TRPM3: variants seen among roughly 807,000 people sequenced by gnomAD.
TRPM3 encodes the protein long transient receptor potential channel 3.
A neutral mutation model predicts 181.2 loss-of-function variants in TRPM3; 77 were observed. That is an observed-to-expected ratio of 0.42 (90% CI 0.35 to 0.51). The LOEUF is 0.51. Ranked by LOEUF, TRPM3 falls within the 20% of genes least tolerant of loss-of-function variation. The pLI, the probability that TRPM3 is intolerant of heterozygous loss-of-function variation, is 0.01. For synonymous variants in TRPM3, 745 were observed against 796.4 expected, an observed-to-expected ratio of 0.94 and a Z score of 1.09; for missense variants, 1,759 against 2,196.7, an observed-to-expected ratio of 0.80 and a Z score of 3.98.
intron 6 of TRPM3, among the ~76,000 whole-genome samples, chr9:70,799,704 T>C (rs1005598038): frequency 6.6e-6 from 1 of 152,192 alleles, no homozygotes; most frequent in African/African-American, 2.4e-5. Flanking sequence ...AATTAGCTTA[T>C]TTCTTCCTTT....
intron 1 of TRPM3, among the ~76,000 whole-genome samples, chr9:70,952,647 A>C (rs559645238): frequency 6.6e-6 from 1 of 152,304 alleles, no homozygotes; most frequent in South Asian, 2.1e-4. Flanking sequence ...GGATTGAAGG[A>C]AAGAGCGAAA....
chr9:71,412,061 C>G (rs1283406372), intron 1 of TRPM3, among the ~76,000 whole-genome samples: 1 of 152,194 alleles, frequency 6.6e-6, no homozygotes, highest in Admixed American at 6.5e-5. Context: ...AAAGCTGAAA[C>G]TGGATCCCTT....
intron 1 of TRPM3, among the ~76,000 whole-genome samples, chr9:71,442,715 AT>A (rs1248791211): frequency 1.3e-5 from 2 of 152,176 alleles, no homozygotes; most frequent in Non-Finnish European, 2.9e-5. Context: ...ATAATGCTGG[AT>A]TTTTTTCTTT....
intron 7 of TRPM3, among the ~76,000 whole-genome samples, chr9:70,783,130 G>A (rs79038348): frequency 6.6e-6 from 1 of 152,264 alleles, no homozygotes; most frequent in Non-Finnish European, 1.5e-5. Flanking sequence ...CTTACTGTGA[G>A]CATCTTGAGA....
intron 4 of TRPM3, among the ~76,000 whole-genome samples, chr9:70,845,891 T>C (rs887441791): frequency 6.6e-6 from 1 of 152,196 alleles, no homozygotes; most frequent in South Asian, 2.1e-4. Context: ...GTGTCTTCCA[T>C]TGGCACAGTG....
chr9:70,579,648 G>GC lies in TRPM3; in HGVS notation c.3223+11382dup, dbSNP rs1750368240. On this transcript the variant is annotated intron_variant, in intron 22 of 25. Transcript: ENST00000677713. ...GAACTGAAAAAGCTGCAGCTAGGAAGCCCGTGCCCGCAGACTGAACTGAGG... is the reference window on the plus strand; with the variant it reads ...GAACTGAAAAAGCTGCAGCTAGGAAGCCCCGTGCCCGCAGACTGAACTGAGG... Among the ~76,000 whole-genome samples, 6 of 152,196 alleles carry GC rather than the reference G, an allele frequency of 3.9e-5. No homozygotes were observed. In the South Asian group the frequency reaches 1.2e-3, roughly 32 times the overall value.
At chr9:71,114,912 C>T (rs771324003) in intron 1 of TRPM3, among the ~76,000 whole-genome samples, 7 of 151,840 alleles carry the variant, frequency 4.6e-5, no homozygotes, top group South Asian at 2.1e-4. Context: ...TTTCACATCA[C>T]GTGACTAAAA....
At chr9:71,179,450 G>A (rs1053868423) in intron 1 of TRPM3, among the ~76,000 whole-genome samples, 7 of 152,102 alleles carry the variant, frequency 4.6e-5, no homozygotes, top group Middle Eastern at 3.2e-3. Context: ...ATTCTGGTCT[G>A]TGTTTGACTT....
chr9:71,091,952 G>A (rs2066296231), intron 1 of TRPM3, among the ~76,000 whole-genome samples: 1 of 152,050 alleles, frequency 6.6e-6, no homozygotes, highest in Non-Finnish European at 1.5e-5. Context: ...CCAAGCACAA[G>A]CATGTATTAT....
chr9:70,605,079 G>A (rs1474427715), intron 19 of TRPM3, among the ~76,000 whole-genome samples: 4 of 149,992 alleles, frequency 2.7e-5, no homozygotes, highest in Admixed American at 6.7e-5. Flanking sequence ...CTCAGCCTCC[G>A]GAGTAGCTGG....
At chr9:70,919,723 GC>G (rs1447314362) in intron 1 of TRPM3, among the ~76,000 whole-genome samples, 2 of 150,910 alleles carry the variant, frequency 1.3e-5, no homozygotes, top group African/African-American at 4.9e-5. Context: ...GGTGGAGATT[GC>G]AGTGAGCCAA....
intron 6 of TRPM3, among the ~76,000 whole-genome samples, chr9:70,802,845 A>G (rs1052930958): frequency 6.6e-6 from 1 of 152,112 alleles, no homozygotes; most frequent in African/African-American, 2.4e-5. Context: ...TGCTTTGCCT[A>G]AAAGTAAAGA....
chr9:70,639,574 C>G (rs1358937051), intron 10 of TRPM3, among the ~76,000 whole-genome samples: 1 of 152,100 alleles, frequency 6.6e-6, no homozygotes, highest in Admixed American at 6.6e-5. Flanking sequence ...TTTTGTTATC[C>G]TTAGGCTCTG....
chr9:71,381,457 T>C (rs1254362325), intron 1 of TRPM3, among the ~76,000 whole-genome samples: 2 of 152,146 alleles, frequency 1.3e-5, no homozygotes, highest in Admixed American at 6.6e-5. Context: ...TGGTATGTCA[T>C]TTCATACTTT....
chr9:71,095,108 T>G (rs748300959), intron 1 of TRPM3, among the ~76,000 whole-genome samples: 1 of 152,160 alleles, frequency 6.6e-6, no homozygotes, highest in Non-Finnish European at 1.5e-5. Flanking sequence ...GGGAAATGCC[T>G]TCGTTTTTAA....
chr9:70,761,264 G>A, intron 8 of TRPM3: 1 of 597,446 alleles, frequency 1.7e-6, no homozygotes, highest in East Asian at 2.8e-5. Flanking sequence ...CAAGCAAAAT[G>A]AAATCCGAAA....
intron 1 of TRPM3, among the ~76,000 whole-genome samples, chr9:71,098,271 G>A (rs1377919680): frequency 6.6e-6 from 1 of 152,100 alleles, no homozygotes; most frequent in African/African-American, 2.4e-5. Context: ...AATTCTCAGT[G>A]TGAACCTAGT....
intron 1 of TRPM3, among the ~76,000 whole-genome samples, chr9:71,420,801 A>AGAGAAAG (rs1565557524): frequency 0.021 from 57 of 2,770 alleles, 1 homozygote; most frequent in African/African-American, 0.036. Context: ...GAGAGAAAGA[A>AGAGAAAG]AGAGAGAAAG....
chr9:70,789,691 A>C (rs530381648), intron 6 of TRPM3, among the ~76,000 whole-genome samples: 1 of 152,226 alleles, frequency 6.6e-6, no homozygotes, highest in Non-Finnish European at 1.5e-5. Context: ...CAGCTTTTGC[A>C]ATTTTGGAAT....
Sources: gnomAD v4.1 joint callset for allele counts (sites outside exome capture counted in the v4.1 genomes callset) on GRCh38, gnomAD v4.1.1 for gene constraint, MANE v1.5 for transcripts, NCBI Gene and HGNC (gene_info 2026-07-23, HGNC 2026-07-21) for gene names.